CNOT4: variants seen among roughly 807,000 people sequenced by gnomAD.
The protein encoded by CNOT4 is CCR4-associated factor 4.
A neutral mutation model predicts 73.8 loss-of-function variants in CNOT4; 8 were observed. That is an observed-to-expected ratio of 0.11 (90% CI 0.06 to 0.20). The LOEUF is 0.20. CNOT4 is among the 10% of genes least tolerant of loss of function. The pLI, the probability that CNOT4 is intolerant of heterozygous loss-of-function variation, is 1.00. For missense variants in CNOT4, 564 were observed against 883.4 expected (o/e 0.64, Z 4.58); for synonymous variants, 293 against 321.1 (o/e 0.91, Z 0.94).
In CNOT4 at chr7:135,394,074, A is replaced by G; in HGVS notation, c.1471T>C (p.Phe491Leu). 6.2e-7 allele frequency: 1 copy of G among 1,614,164 alleles called. No individual in the cohort carries two copies. Among genetic ancestry groups the G allele is most frequent in the South Asian group, 1.1e-5 (1 of 91,078 alleles). The stretch of plus-strand genomic sequence containing the variant: ...GGATAGCGGGCTGCCTGGCCTGGAA[A>G]ACTGAATGAATTATAAACCGCTCGG... Reference protein sequence around the residue: ...QHRAVYNSFSFPGQAARYPWM... With the variant: ...QHRAVYNSFSLPGQAARYPWM... The change falls in exon 10 of 12, where the codon TTT becomes CTT. Residue 491 changes from phenylalanine (F) to leucine (L), a missense_variant. Around this residue, in one of 10 missense-constraint regions of CNOT4, gnomAD observed 153 missense variants for 158.7 expected, o/e 0.96. Transcript: ENST00000541284.
chr7:135,510,068 C>T lies in CNOT4; in HGVS notation c.-272G>A. On this transcript the variant is annotated 5_prime_UTR_variant, in exon 1 of 12. Transcript: ENST00000541284. ...GCTTTCGGTGGGTTCCACAGCCAGA[C>T]GGGCCACCATCTTACATTAGGGTAA... 1 of 399,120 alleles carries T rather than the reference C, an allele frequency of 2.5e-6. No individual in the cohort carries two copies. The highest frequency in any genetic ancestry group is 4.4e-6 in the Non-Finnish European group (1 of 226,138). The allele number at this position is 399,120 out of a possible 1,614,324, so 24.7% of individuals were successfully genotyped here.
chr7:135,476,618 G>A (rs1231979089), intron 1 of CNOT4, among the ~76,000 whole-genome samples: 3 of 152,208 alleles, frequency 2.0e-5, no homozygotes, highest in African/African-American at 7.2e-5. Context: ...TGAGGCTGCA[G>A]TAAGCTATGA....
intron 6 of CNOT4, among the ~76,000 whole-genome samples, chr7:135,412,411 TTA>T (rs1797635683): frequency 6.6e-6 from 1 of 151,956 alleles, no homozygotes; most frequent in Admixed American, 6.6e-5. Context: ...TAATTAAAAT[TTA>T]GTTTGAAATT....
intron 10 of CNOT4, chr7:135,388,654 G>T: frequency 7.6e-7 from 1 of 1,315,648 alleles, no homozygotes. Context: ...GAGGTAACAC[G>T]CTAGCTGTAG....
intron 2 of CNOT4, among the ~76,000 whole-genome samples, chr7:135,431,724 C>T (rs931748535): frequency 4.8e-5 from 7 of 146,328 alleles, no homozygotes; most frequent in Non-Finnish European, 1.0e-4. Context: ...GCCTGGGTGA[C>T]ATGAGTGAAA....
chr7:135,396,106 CCTTTTTTT>C (rs1563024020), intron 8 of CNOT4, among the ~76,000 whole-genome samples: 2 of 116,008 alleles, frequency 1.7e-5, no homozygotes, highest in African/African-American at 6.5e-5. Context: ...AACTAGTCTC[CCTTTTTTT>C]TTTTTTTTTT....
intron 1 of CNOT4, among the ~76,000 whole-genome samples, chr7:135,445,349 T>C (rs1406850410): frequency 6.6e-6 from 1 of 152,232 alleles, no homozygotes; most frequent in Non-Finnish European, 1.5e-5. Flanking sequence ...AAAAACTTTG[T>C]AGAAAATTAG....
chr7:135,496,883 T>G (rs893478530), intron 1 of CNOT4, among the ~76,000 whole-genome samples: 2 of 152,018 alleles, frequency 1.3e-5, no homozygotes, highest in Admixed American at 1.3e-4. Flanking sequence ...CACAGCTCAC[T>G]GCAGCCTCGA....
At position 135,413,380 on chromosome 7, in the gene CNOT4, T is replaced by C. The variant is rs184788589; in HGVS notation, c.687+108A>G. ...TGGCAAATGCTACTTTAAAGTAATA[T>C]CAGTTTTTACAAAATCAAATCCTTA... On this transcript the variant is annotated intron_variant, in intron 6 of 11. Coordinates refer to ENST00000541284, the MANE Select transcript of CNOT4 (RefSeq NM_001190850.2). 7 of 1,267,994 alleles carry C rather than the reference T, an allele frequency of 5.5e-6. No homozygotes were observed. In the East Asian group the frequency reaches 9.5e-5, roughly 17 times the overall value. 78.5% of individuals were successfully genotyped at this position (1,267,994 alleles called of 1,614,324 possible). A position where few individuals can be genotyped will look rare whatever the true frequency, so the allele number is the denominator to read the frequency against.
chr7:135,392,562 G>C (rs1005394595), intron 10 of CNOT4, among the ~76,000 whole-genome samples: 2 of 152,052 alleles, frequency 1.3e-5, no homozygotes, highest in Admixed American at 6.5e-5. Flanking sequence ...GGAGTATTTG[G>C]AACTGAACAC....
chr7:135,410,749 A>G, intron 6 of CNOT4, 101 bp from the exon 7 acceptor site: 1 of 686,104 alleles, frequency 1.5e-6, no homozygotes, highest in Non-Finnish European at 1.9e-6. Flanking sequence ...TAAATAAAAT[A>G]AATAATATTT....
At chr7:135,402,389 G>C (rs73158931) in intron 7 of CNOT4, among the ~76,000 whole-genome samples, 2 of 152,130 alleles carry the variant, frequency 1.3e-5, no homozygotes, top group Non-Finnish European at 2.9e-5. Context: ...GGATTCAGGC[G>C]TGAGCCACGG....
In CNOT4 at chr7:135,362,000, T is replaced by C. The variant is rs1794672176; in HGVS notation, c.*885A>G. ...AAGGAGGTCAGAGATTTGCTCCCGA[T>C]GGTGATCAGATGGCCCCAGAGCAGT... On this transcript the variant is annotated 3_prime_UTR_variant, in exon 12 of 12. Coordinates refer to ENST00000541284, the MANE Select transcript of CNOT4 (RefSeq NM_001190850.2). The C allele has an allele frequency of 6.5e-6, 1 of 152,672 alleles. No homozygotes were observed. Among genetic ancestry groups the C allele is most frequent in the Non-Finnish European group, 1.5e-5 (1 of 68,064 alleles). 9.5% of individuals were successfully genotyped at this position (152,672 alleles called of 1,614,324 possible).
intron 1 of CNOT4, among the ~76,000 whole-genome samples, chr7:135,467,930 G>A (rs866305678): frequency 1.3e-5 from 2 of 151,956 alleles, no homozygotes; most frequent in African/African-American, 2.4e-5. Flanking sequence ...CATCATTACA[G>A]ATCGGCCAGG....
At position 135,471,834 on chromosome 7, in the gene CNOT4, G is replaced by A. The variant is rs559523106; in HGVS notation, c.-92-33411C>T. On this transcript the variant is annotated intron_variant, in intron 1 of 11. Coordinates refer to ENST00000541284, the MANE Select transcript of CNOT4 (RefSeq NM_001190850.2). ...CTTGAGCAGTGTTCCTATGCCTAGC[G>A]GAGAGTTGGAAGGCATGCTGACTAG... 9.2e-5 allele frequency among the ~76,000 whole-genome samples: 14 copies of A among 152,272 alleles called. No homozygotes were observed. In the East Asian group the frequency reaches 1.2e-3, roughly 13 times the overall value.
intron 7 of CNOT4, among the ~76,000 whole-genome samples, chr7:135,398,568 A>G (rs2129483582): frequency 6.6e-6 from 1 of 152,148 alleles, no homozygotes; most frequent in South Asian, 2.1e-4. Context: ...CCAAAATCCA[A>G]AAGAAAAAAA....
chr7:135,380,708 T>C (rs113780609), intron 10 of CNOT4, among the ~76,000 whole-genome samples: 1 of 152,194 alleles, frequency 6.6e-6, no homozygotes, highest in Non-Finnish European at 1.5e-5. Context: ...CCACTGAGTT[T>C]CAAGCATGAA....
Position 135,394,157 on chromosome 7 carries a change from T to A in CNOT4, c.1388A>T (p.Asn463Ile). Residue 463 changes from asparagine (N) to isoleucine (I), a missense_variant, in exon 10 of 12, where the codon AAT becomes ATT. Around this residue, in one of 10 missense-constraint regions of CNOT4, gnomAD observed 153 missense variants for 158.7 expected, o/e 0.96. Transcript: ENST00000541284. Reference protein sequence around the residue: ...FLHPAAATNANSLNSTFSVLP... With the variant: ...FLHPAAATNAISLNSTFSVLP... ...GACTGAAAAGGTACTATTGAGAGAA[T>A]TGGCATTTGTAGCTGCAGCAGGATG... The A allele has an allele frequency of 6.2e-7, 1 of 1,614,180 alleles. No individual in the cohort carries two copies. The highest frequency in any genetic ancestry group is 8.5e-7 in the Non-Finnish European group (1 of 1,180,018).
rs550960577 is a variant in CNOT4 at position 135,412,846 on chromosome 7, C to T, written c.687+642G>A. 2.6e-5 allele frequency among the ~76,000 whole-genome samples: 4 copies of T among 151,940 alleles called. No homozygotes were observed. The East Asian group carries it at 5.8e-4, about 22-fold the overall frequency. On this transcript the variant is annotated intron_variant, in intron 6 of 11. Transcript: ENST00000541284. The stretch of plus-strand genomic sequence containing the variant: ...TTGGTATAATCCTCATTTAATATGT[C>T]GTATGGTCAACATTTTTACTTGTTA...
Sources: gnomAD v4.1 joint callset for allele counts (sites outside exome capture counted in the v4.1 genomes callset) on GRCh38, gnomAD v4.1.1 for gene constraint, gnomAD v4.1.1 regional missense constraint, MANE v1.5 for transcripts, NCBI Gene and HGNC (gene_info 2026-07-23, HGNC 2026-07-21) for gene names.